The following NF2 variants were observed in gnomAD, a reference collection of about 807,000 sequenced individuals.
NF2 encodes the protein NF2, moesin-ezrin-radixin like (MERLIN) tumor suppressor, also known as merlin.
Under a neutral mutation model 83.7 loss-of-function variants are expected in NF2, and 8 were observed. The ratio of observed to expected loss-of-function variants is 0.10; its 90% CI spans 0.06 to 0.17. The LOEUF (loss-of-function observed/expected upper bound fraction) is 0.17, where lower values mean the gene tolerates loss of function less well. Among genes scored for constraint, NF2 ranks in the 10% least tolerant of loss-of-function variants. The pLI is 1.00. For synonymous variants in NF2, 266 were observed against 269.6 expected (o/e 0.99, Z 0.13); for missense variants, 533 against 744.4 (o/e 0.72, Z 3.31).
chr22:29,637,835 G>A (rs775682645), intron 2 of NF2, among the ~76,000 whole-genome samples: 2 of 152,186 alleles, frequency 1.3e-5, no homozygotes, highest in Admixed American at 6.5e-5. Flanking sequence ...GCATCTAAGT[G>A]CCACTGGGGG....
intron 15 of NF2, among the ~76,000 whole-genome samples, chr22:29,689,177 C>CAAAAA: frequency 2.2e-5 from 2 of 89,290 alleles, no homozygotes; most frequent in Non-Finnish European, 4.3e-5. Flanking sequence ...GACTCCGTCT[C>CAAAAA]AAAAAAAAAA....
chr22:29,633,594 C>A (rs1049753847), intron 1 of NF2, among the ~76,000 whole-genome samples: 4 of 152,144 alleles, frequency 2.6e-5, no homozygotes, highest in African/African-American at 9.7e-5. Flanking sequence ...GCCTATGACT[C>A]GTCTGCTCAA....
intron 15 of NF2, among the ~76,000 whole-genome samples, chr22:29,687,952 T>C (rs536510295): frequency 6.6e-6 from 1 of 152,352 alleles, no homozygotes; most frequent in Non-Finnish European, 1.5e-5. Context: ...AACTGCAGGC[T>C]GCTCTTAGTG....
At chr22:29,650,813 G>C (rs576599025) in intron 4 of NF2, among the ~76,000 whole-genome samples, 141 of 152,250 alleles carry the variant, frequency 9.3e-4, no homozygotes, top group African/African-American at 3.3e-3. Flanking sequence ...ATGTTGGCCA[G>C]ACTGGTCTGG....
intron 8 of NF2, among the ~76,000 whole-genome samples, chr22:29,662,901 G>C (rs976196275): frequency 3.3e-5 from 5 of 152,218 alleles, no homozygotes; most frequent in Non-Finnish European, 7.3e-5. Flanking sequence ...AGACTAGAGA[G>C]TGAAGAACAG....
At chr22:29,624,783 T>C (rs1226469252) in intron 1 of NF2, among the ~76,000 whole-genome samples, 1 of 152,074 alleles carries the variant, frequency 6.6e-6, no homozygotes, top group Non-Finnish European at 1.5e-5. Context: ...TTATGCCATG[T>C]TCTTGTTGAA....
chr22:29,687,142 A>G (rs1852594277), intron 15 of NF2, among the ~76,000 whole-genome samples: 1 of 152,246 alleles, frequency 6.6e-6, no homozygotes, highest in Non-Finnish European at 1.5e-5. Context: ...TCTGAGTGCC[A>G]GCAAACAAAG....
At position 29,698,002 on chromosome 22, in the gene NF2, A is replaced by AAAAGCCCAGAGACTGACAAC. The variant is rs2067600587; in HGVS notation, c.*3200_*3201insAAAGCCCAGAGACTGACAAC. The AAAAGCCCAGAGACTGACAAC allele has an allele frequency of 4.4e-6, 1 of 227,694 alleles. No homozygotes were observed. Among genetic ancestry groups the AAAAGCCCAGAGACTGACAAC allele is most frequent in the Admixed American group, 5.7e-5 (1 of 17,546 alleles). 14.1% of individuals were successfully genotyped at this position (227,694 alleles called of 1,614,324 possible). A position where few individuals can be genotyped will look rare whatever the true frequency, so the allele number is the denominator to read the frequency against. On this transcript the variant is annotated 3_prime_UTR_variant, in exon 16 of 16. Transcript: ENST00000338641. ...CTGCTGGCTCTCAGGCAGAAGCCCC[A>AAAAGCCCAGAGACTGACAAC]CAGCACCGGGACCATTCATGAGGTC... is the stretch of plus-strand genomic sequence containing the variant.
intron 8 of NF2, among the ~76,000 whole-genome samples, chr22:29,663,279 AC>A (rs1018569599): frequency 9.9e-5 from 15 of 152,144 alleles, no homozygotes; most frequent in African/African-American, 3.6e-4. Flanking sequence ...CTCCCTAAAC[AC>A]CCGTTCTTCA....
At chr22:29,685,423 A>C (rs756850224) in intron 15 of NF2, among the ~76,000 whole-genome samples, 1 of 149,912 alleles carries the variant, frequency 6.7e-6, no homozygotes, top group Non-Finnish European at 1.5e-5. Flanking sequence ...TGTTTTTAAT[A>C]AGGTTTTTTG....
At chr22:29,650,849 C>T (rs1178546989) in intron 4 of NF2, among the ~76,000 whole-genome samples, 1 of 152,128 alleles carries the variant, frequency 6.6e-6, no homozygotes, top group South Asian at 2.1e-4. Context: ...GTGATCCATC[C>T]GCCTCGGCCT....
intron 3 of NF2, 34 bp from the exon 4 acceptor site, chr22:29,642,168 C>T (rs2065828456): frequency 6.4e-7 from 1 of 1,561,682 alleles, no homozygotes; most frequent in South Asian, 1.1e-5. Flanking sequence ...CTTCCACTCA[C>T]AGAGTATCAT....
chr22:29,612,457 A>G (rs1569265373), intron 1 of NF2, among the ~76,000 whole-genome samples: 1 of 151,688 alleles, frequency 6.6e-6, no homozygotes, highest in African/African-American at 2.4e-5. Flanking sequence ...CAAGCAGCTC[A>G]GACCACAGGC....
intron 4 of NF2, among the ~76,000 whole-genome samples, chr22:29,650,738 G>A (rs1010836038): frequency 1.4e-4 from 22 of 151,970 alleles, no homozygotes; most frequent in Admixed American, 1.4e-3. Context: ...GAGGAGCCGG[G>A]ACTATAGGCA....
rs763572978 is a variant in NF2, at chr22:29,636,934, T to C, written c.240+58T>C. 6.2e-7 allele frequency: 1 copy of C among 1,612,322 alleles called. No homozygotes were observed. Among genetic ancestry groups the C allele is most frequent in the Non-Finnish European group, 8.5e-7 (1 of 1,179,680 alleles). On this transcript the variant is annotated intron_variant, in intron 2 of 15. Coordinates refer to ENST00000338641, the MANE Select transcript of NF2 (RefSeq NM_000268.4). This position sits in a 1 kb window ranked among gnomAD's most constrained non-coding sequence, Gnocchi z 4.4. Reference sequence around the variant, plus strand: ...TGACGTGAGCTTTCCAGTTTTTCCCTGAGCAGGCGCCTAGCTCATCACTGG... The same window carrying C: ...TGACGTGAGCTTTCCAGTTTTTCCCCGAGCAGGCGCCTAGCTCATCACTGG...
chr22:29,660,224 G>A (rs2066437716), intron 7 of NF2, among the ~76,000 whole-genome samples: 2 of 152,170 alleles, frequency 1.3e-5, no homozygotes, highest in South Asian at 4.1e-4. Flanking sequence ...CAGGGCACCC[G>A]CCGCGGGCTG....
intron 6 of NF2, among the ~76,000 whole-genome samples, chr22:29,657,767 G>A (rs1265094393): frequency 6.6e-6 from 1 of 152,182 alleles, no homozygotes; most frequent in African/African-American, 2.4e-5. Flanking sequence ...AGAGAGAGCT[G>A]TTTCATTTCC....
intron 8 of NF2, among the ~76,000 whole-genome samples, chr22:29,663,644 A>G (rs2066537563): frequency 6.6e-6 from 1 of 152,274 alleles, no homozygotes; most frequent in South Asian, 2.1e-4. Flanking sequence ...AGCCTACACA[A>G]GAGCAACACT....
At chr22:29,632,562 G>A (rs2065543543) in intron 1 of NF2, among the ~76,000 whole-genome samples, 1 of 152,126 alleles carries the variant, frequency 6.6e-6, no homozygotes, top group African/African-American at 2.4e-5. Flanking sequence ...TGAGTGTAGA[G>A]ACTTGTTTCT....
Sources: gnomAD v4.1 joint callset for allele counts (sites outside exome capture counted in the v4.1 genomes callset) on GRCh38, gnomAD v4.1.1 for gene constraint, Gnocchi (gnomAD v3.1) non-coding constraint, MANE v1.5 for transcripts, NCBI Gene and HGNC (gene_info 2026-07-23, HGNC 2026-07-21) for gene names.